Variants in BAHCC1 observed in about 807,000 individuals in gnomAD.
BAHCC1 encodes BAH domain and coiled-coil containing 1, also known as BAH and coiled-coil domain-containing protein 1.
Under a neutral mutation model 88.2 loss-of-function variants are expected in BAHCC1, and 43 were observed. That is an observed-to-expected ratio of 0.49 (90% CI 0.38 to 0.63). The LOEUF (loss-of-function observed/expected upper bound fraction) is 0.63. BAHCC1 is among the 20% of genes least tolerant of loss of function. BAHCC1 has a pLI of 0.00. For missense variants in BAHCC1, 3,023 were observed against 1,654.8 expected, an observed-to-expected ratio of 1.83 and a Z score of -14.34; for synonymous variants, 1,510 against 745.5, an observed-to-expected ratio of 2.03 and a Z score of -16.71.
In BAHCC1 at chr17:81,459,514, C is replaced by A; in HGVS notation, c.5815C>A (p.Gln1939Lys). 3.8e-6 allele frequency: 3 copies of A among 779,460 alleles called. No homozygotes were observed. The allele number at this position is 779,460 out of a possible 1,614,324, so 48.3% of individuals were successfully genotyped here. The change falls in exon 23 of 28, where the codon CAG becomes AAG. Residue 1939 changes from glutamine to lysine, a missense_variant. Physicochemically the swap from Gln to Lys is moderately conservative, Grantham distance 53. Transcript: ENST00000675386. ...CCTGCAGGTTCTCGATGTGCGGCCA[C>A]AGTCCAGCCGGTACCTCCCGCCCGG... is the stretch of plus-strand genomic sequence containing the variant. ...LQEAVLDVRPQSSRYLPPGTR... is the reference protein window; with the variant it reads ...LQEAVLDVRPKSSRYLPPGTR...
chr17:81,456,948 C>T (rs1195302512), intron 16 of BAHCC1, among the ~76,000 whole-genome samples: 3 of 152,098 alleles, frequency 2.0e-5, no homozygotes, highest in Non-Finnish European at 2.9e-5. Context: ...TCTGACCACC[C>T]CCCCCAGCAA....
In BAHCC1 at chr17:81,434,395, C is replaced by T. The variant is rs1354727495; in HGVS notation, c.359-3975C>T. Among the ~76,000 whole-genome samples the T allele has an allele frequency of 2.0e-5, 3 of 152,192 alleles. No homozygotes were observed. The highest frequency in any genetic ancestry group is 4.4e-5 in the Non-Finnish European group (3 of 68,020). On this transcript the variant is annotated intron_variant, in intron 3 of 27. Coordinates refer to ENST00000675386, the MANE Select transcript of BAHCC1 (RefSeq NM_001377448.1). The surrounding 1 kb of genome is among the most constrained non-coding windows in gnomAD (Gnocchi z 4.9). The stretch of plus-strand genomic sequence containing the variant: ...GAGGCCAGCGTGGCAGACCTTCCCC[C>T]AGGGAGGAGGCACTGCCGTTTGTCA...
At chr17:81,416,460 G>GGT (rs151241907) in intron 2 of BAHCC1, among the ~76,000 whole-genome samples, 37,075 of 121,670 alleles carry the variant, frequency 0.3, 6,000 homozygotes, top group African/African-American at 0.5. Flanking sequence ...GTCCATTGAG[G>GGT]GTGTGTGTGT....
At chr17:81,446,823 G>T (rs2064536961) in intron 10 of BAHCC1, 6 of 682,376 alleles carry the variant, frequency 8.8e-6, no homozygotes, top group South Asian at 4.6e-5. Context: ...AAAGTTTTGG[G>T]ATTACAGGTG....
At chr17:81,417,074 G>A (rs1044806506) in intron 2 of BAHCC1, among the ~76,000 whole-genome samples, 1 of 152,160 alleles carries the variant, frequency 6.6e-6, no homozygotes, top group Non-Finnish European at 1.5e-5. Flanking sequence ...GAGTGTAGGA[G>A]GGCAGGTGGG....
At position 81,457,517 on chromosome 17, in the gene BAHCC1, C is replaced by T. The variant is rs782577068; in HGVS notation, c.4966C>T (p.Pro1656Ser). 1.3e-6 allele frequency: 1 copy of T among 754,722 alleles called. No individual in the cohort carries two copies. Among genetic ancestry groups the T allele is most frequent in the Non-Finnish European group, 2.5e-6 (1 of 405,920 alleles). 46.8% of individuals were successfully genotyped at this position (754,722 alleles called of 1,614,324 possible). ...HTGASVAVLGPSPSSVVKMEA... is the reference protein window; with the variant it reads ...HTGASVAVLGSSPSSVVKMEA... ...CGGGGCCAGTGTGGCCGTGCTGGGG[C>T]CCTCACCCTCCTCTGTGGTCAAGAT... is the stretch of plus-strand genomic sequence containing the variant. Residue 1656 changes from proline (P) to serine (S), a missense_variant, in exon 17 of 28, where the codon CCC (proline) becomes TCC (serine). Coordinates refer to ENST00000675386, the MANE Select transcript of BAHCC1 (RefSeq NM_001377448.1).
At chr17:81,429,684 T>G (rs1224388498) in intron 3 of BAHCC1, among the ~76,000 whole-genome samples, 1 of 152,186 alleles carries the variant, frequency 6.6e-6, no homozygotes, top group Non-Finnish European at 1.5e-5. Flanking sequence ...GCGGTTGGCC[T>G]TGCCCACGTT....
In BAHCC1 at chr17:81,434,017, G is replaced by A. The variant is rs915394495; in HGVS notation, c.359-4353G>A. Among the ~76,000 whole-genome samples the A allele has an allele frequency of 4.6e-5, 7 of 152,184 alleles. No individual in the cohort carries two copies. The highest frequency in any genetic ancestry group is 1.3e-4 in the Admixed American group (2 of 15,286). On this transcript the variant is annotated intron_variant, in intron 3 of 27. Coordinates refer to ENST00000675386, the MANE Select transcript of BAHCC1 (RefSeq NM_001377448.1). This position sits in a 1 kb window ranked among gnomAD's most constrained non-coding sequence, Gnocchi z 4.9. ...CAGGGACGTCCTGCGTGACAGGGAC[G>A]ATGTGCAGAACCTCAAGAGGAGCAG...
intron 2 of BAHCC1, chr17:81,415,607 AC>A (rs1555648516): frequency 2.0e-6 from 1 of 505,082 alleles, no homozygotes; most frequent in South Asian, 1.4e-5. Flanking sequence ...GCCTGAGCCA[AC>A]CTCGTTTTGG....
intron 2 of BAHCC1, among the ~76,000 whole-genome samples, chr17:81,403,749 G>C (rs933485437): frequency 3.3e-5 from 5 of 152,178 alleles, no homozygotes; most frequent in African/African-American, 4.8e-5. Flanking sequence ...CACCCGTCCC[G>C]CTCCATAAGT....
In BAHCC1 at chr17:81,445,860, T is replaced by C. The variant is rs1209739805; in HGVS notation, c.3163+179T>C. On this transcript the variant is annotated intron_variant, in intron 10 of 27. Coordinates refer to ENST00000675386, the MANE Select transcript of BAHCC1 (RefSeq NM_001377448.1). ...CTCTTCCCAGTCCTCCCAATGACCTTGGGAGAAGCACACAGTGCCCCAGCC... is the reference window on the plus strand; with the variant it reads ...CTCTTCCCAGTCCTCCCAATGACCTCGGGAGAAGCACACAGTGCCCCAGCC... 2.6e-5 allele frequency among the ~76,000 whole-genome samples: 4 copies of C among 152,124 alleles called. No homozygotes were observed. In the East Asian group the frequency reaches 5.8e-4, roughly 22 times the overall value.
Position 81,441,832 on chromosome 17 carries a change from T to A in BAHCC1, c.483T>A (p.Asp161Glu). 1.6e-6 allele frequency: 1 copy of A among 643,492 alleles called. No homozygotes were observed. The highest frequency in any genetic ancestry group is 2.9e-6 in the Non-Finnish European group (1 of 349,218). 39.9% of individuals were successfully genotyped at this position (643,492 alleles called of 1,614,324 possible). The part of the protein sequence containing the change: ...GQHRFYGTQK[D>E]NFYLRNLPPQ... Reference sequence around the variant, plus strand: ...TGACCTTGGCTCTTTCCCACACAGATAACTTCTACCTGCGCAACCTGCCGC... The same window carrying A: ...TGACCTTGGCTCTTTCCCACACAGAAAACTTCTACCTGCGCAACCTGCCGC... The change falls in exon 5 of 28, where the codon GAT becomes GAA. Residue 161 changes from aspartate (D) to glutamate (E), a missense_variant and splice_region_variant. Transcript: ENST00000675386.
At chr17:81,415,138 AGGAGGGCACCT>A (rs1170406913) in intron 2 of BAHCC1, among the ~76,000 whole-genome samples, 1 of 152,138 alleles carries the variant, frequency 6.6e-6, no homozygotes, top group Non-Finnish European at 1.5e-5. Context: ...AGGGAGCTGG[AGGAGGGCACCT>A]GGCCGTGTGA....
rs2030517684 is a variant in BAHCC1, at chr17:81,463,880, C to T, written c.*63C>T. ...CCCTGTGTGCGGAGCCTGGCGTCGG[C>T]CAAGCCACCGGGCAGGAGGCAGCCC... is the stretch of plus-strand genomic sequence containing the variant. On this transcript the variant is annotated 3_prime_UTR_variant, in exon 28 of 28. Transcript: ENST00000675386. 1 of 691,280 alleles carries T rather than the reference C, an allele frequency of 1.4e-6. No individual in the cohort carries two copies. The allele number at this position is 691,280 out of a possible 1,614,324, so 42.8% of individuals were successfully genotyped here.
rs2064453424 is a variant in BAHCC1, at chr17:81,443,037, A to G, written c.1688A>G (p.Glu563Gly). 2.6e-6 allele frequency: 2 copies of G among 778,304 alleles called. No homozygotes were observed. The highest frequency in any genetic ancestry group is 4.9e-5 in the East Asian group (2 of 41,230). The allele number at this position is 778,304 out of a possible 1,614,324, so 48.2% of individuals were successfully genotyped here. ...AEVEQGGIGA[E>G]AKRKSLELAS... ...GTGGAGCAGGGGGGCATTGGGGCTGAGGCCAAGCGCAAGTCCCTGGAGCTG... is the reference window on the plus strand; with the variant it reads ...GTGGAGCAGGGGGGCATTGGGGCTGGGGCCAAGCGCAAGTCCCTGGAGCTG... The change falls in exon 5 of 28, where the codon GAG becomes GGG. Residue 563 changes from glutamate to glycine, a missense_variant. Coordinates refer to ENST00000675386, the MANE Select transcript of BAHCC1 (RefSeq NM_001377448.1).
chr17:81,411,742 G>C lies in BAHCC1; in HGVS notation c.178+11825G>C. 3.9e-6 allele frequency: 1 copy of C among 256,888 alleles called. No homozygotes were observed. Among genetic ancestry groups the C allele is most frequent in the Middle Eastern group, 9.6e-4 (1 of 1,042 alleles). The allele number at this position is 256,888 out of a possible 1,614,324, so 15.9% of individuals were successfully genotyped here. A position where few individuals can be genotyped will look rare whatever the true frequency, so the allele number is the denominator to read the frequency against. On this transcript the variant is annotated intron_variant, in intron 2 of 27. Coordinates refer to ENST00000675386, the MANE Select transcript of BAHCC1 (RefSeq NM_001377448.1). The surrounding 1 kb of genome is among the most constrained non-coding windows in gnomAD (Gnocchi z 6.2). ...AGGGAGGCCTCAGCATAGTCCTTGA[G>C]CTCTGGGGGCCCCAACCCAGCCTCC...
Position 81,438,355 on chromosome 17 carries a change from C to T in BAHCC1, c.359-15C>T, listed in dbSNP as rs755429232. ...CTGGGAGTTGCCTCTGCAACTGGGTCTCTTGCTTCTCTAGCTCCGGGGTAC... is the reference window on the plus strand; with the variant it reads ...CTGGGAGTTGCCTCTGCAACTGGGTTTCTTGCTTCTCTAGCTCCGGGGTAC... On this transcript the variant is annotated splice_polypyrimidine_tract_variant and intron_variant, in intron 3 of 27. Coordinates refer to ENST00000675386, the MANE Select transcript of BAHCC1 (RefSeq NM_001377448.1). 1.3e-6 allele frequency: 1 copy of T among 778,354 alleles called. No homozygotes were observed. The highest frequency in any genetic ancestry group is 1.3e-5 in the South Asian group (1 of 74,344). 48.2% of individuals were successfully genotyped at this position (778,354 alleles called of 1,614,324 possible).
At chr17:81,452,635 GC>G in intron 13 of BAHCC1, 87 bp from the exon 14 acceptor site, 1 of 587,980 alleles carries the variant, frequency 1.7e-6, no homozygotes, top group Non-Finnish European at 3.0e-6. Flanking sequence ...ACACCCAGTA[GC>G]CCTCGAAGGC....
At position 81,456,282 on chromosome 17, in the gene BAHCC1, C is replaced by T. The variant is rs782289437; in HGVS notation, c.4570-15C>T. Reference sequence around the variant, plus strand: ...AGGGCGCCCTGAGAGTGCAGCTGCCCCTCCCTGTTCACAGGAGAAGGCGCA... The same window carrying T: ...AGGGCGCCCTGAGAGTGCAGCTGCCTCTCCCTGTTCACAGGAGAAGGCGCA... On this transcript the variant is annotated splice_polypyrimidine_tract_variant and intron_variant, in intron 15 of 27. Transcript: ENST00000675386. 2.8e-6 allele frequency: 2 copies of T among 704,382 alleles called. No individual in the cohort carries two copies. The highest frequency in any genetic ancestry group is 4.4e-5 in the Admixed American group (2 of 45,524). The allele number at this position is 704,382 out of a possible 1,614,324, so 43.6% of individuals were successfully genotyped here. A position where few individuals can be genotyped will look rare whatever the true frequency, so the allele number is the denominator to read the frequency against.
Sources: gnomAD v4.1 joint callset for allele counts (sites outside exome capture counted in the v4.1 genomes callset) on GRCh38, gnomAD v4.1.1 for gene constraint, Gnocchi (gnomAD v3.1) non-coding constraint, MANE v1.5 for transcripts, NCBI Gene and HGNC (gene_info 2026-07-23, HGNC 2026-07-21) for gene names.